CTNNA2: variants seen among roughly 807,000 people sequenced by gnomAD.
The protein encoded by CTNNA2 is catenin alpha-2.
Under a neutral mutation model 101.0 loss-of-function variants are expected in CTNNA2, and 42 were observed. That is an observed-to-expected ratio of 0.42 (90% confidence interval 0.32 to 0.54). The LOEUF (loss-of-function observed/expected upper bound fraction) is 0.54, where lower values mean the gene tolerates loss of function less well. Among genes scored for constraint, CTNNA2 ranks in the 20% least tolerant of loss-of-function variants. CTNNA2 has a pLI of 0.14. For synonymous variants in CTNNA2, 450 were observed against 456.4 expected, an observed-to-expected ratio of 0.99 and a Z score of 0.18; for missense variants, 871 against 1,223.1, an observed-to-expected ratio of 0.71 and a Z score of 4.29.
At chr2:79,290,685 C>T (rs1038340730) in intron 2 of CTNNA2, among the ~76,000 whole-genome samples, 45 of 152,232 alleles carry the variant, frequency 3.0e-4, no homozygotes, top group African/African-American at 8.9e-4. Flanking sequence ...ACCGGAGGAA[C>T]GACATGGAGT....
intron 3 of CTNNA2, among the ~76,000 whole-genome samples, chr2:79,749,760 A>G (rs1313252247): frequency 6.6e-6 from 1 of 152,254 alleles, no homozygotes; most frequent in African/African-American, 2.4e-5. Flanking sequence ...TCTCCATTTT[A>G]CAAATACAAT....
chr2:80,396,233 G>A (rs1194937669), intron 8 of CTNNA2, among the ~76,000 whole-genome samples: 1 of 152,090 alleles, frequency 6.6e-6, no homozygotes, highest in Non-Finnish European at 1.5e-5. Context: ...AAGATTATAG[G>A]GACCCAAAGG....
chr2:79,641,137 C>T (rs1680422698), intron 1 of CTNNA2, among the ~76,000 whole-genome samples: 1 of 152,050 alleles, frequency 6.6e-6, no homozygotes, highest in South Asian at 2.1e-4. Context: ...GGAATATCTG[C>T]CTGGTTACAA....
At chr2:79,738,912 C>T (rs763751179) in intron 2 of CTNNA2, among the ~76,000 whole-genome samples, 3 of 152,078 alleles carry the variant, frequency 2.0e-5, no homozygotes, top group African/African-American at 7.2e-5. Flanking sequence ...AAGTTTTGTT[C>T]CATTACATCT....
intron 9 of CTNNA2, among the ~76,000 whole-genome samples, chr2:80,442,329 T>G (rs1323640744): frequency 1.3e-5 from 2 of 152,192 alleles, no homozygotes; most frequent in East Asian, 3.9e-4. Context: ...TAGACCAGTG[T>G]CTTCTTAGTT....
intron 7 of CTNNA2, among the ~76,000 whole-genome samples, chr2:80,110,996 A>C (rs757734705): frequency 3.3e-5 from 5 of 152,156 alleles, no homozygotes; most frequent in Non-Finnish European, 7.4e-5. Context: ...TGGAAGGGGA[A>C]GCAAACATGT....
At chr2:79,617,145 G>T (rs868297495) in intron 1 of CTNNA2, among the ~76,000 whole-genome samples, 2 of 151,864 alleles carry the variant, frequency 1.3e-5, no homozygotes, top group Non-Finnish European at 2.9e-5. Flanking sequence ...CTCGTGATCC[G>T]CCCACCTTGG....
At chr2:80,612,730 T>C (rs1468759489) in intron 17 of CTNNA2, among the ~76,000 whole-genome samples, 1 of 151,500 alleles carries the variant, frequency 6.6e-6, no homozygotes, top group African/African-American at 2.4e-5. Context: ...GACCTGTACA[T>C]TAAGCAACCT....
At chr2:80,263,637 T>C (rs1235043938) in intron 7 of CTNNA2, among the ~76,000 whole-genome samples, 2 of 152,170 alleles carry the variant, frequency 1.3e-5, no homozygotes, top group East Asian at 1.9e-4. Context: ...CACCCGGCCA[T>C]GTGTAGCAAA....
At chr2:79,991,574 T>A (rs1024677758) in intron 7 of CTNNA2, among the ~76,000 whole-genome samples, 11 of 152,224 alleles carry the variant, frequency 7.2e-5, no homozygotes, top group Non-Finnish European at 1.3e-4. Context: ...GTAAACGTAG[T>A]GCTCGGCATG....
chr2:80,490,989 T>C (rs1337615466), intron 9 of CTNNA2, among the ~76,000 whole-genome samples: 2 of 152,240 alleles, frequency 1.3e-5, no homozygotes, highest in African/African-American at 2.4e-5. Flanking sequence ...TGATAAATTG[T>C]TTCTGAAGTC....
chr2:79,536,477 G>A lies in CTNNA2; in HGVS notation c.-6+23270G>A, dbSNP rs190013623. On this transcript the variant is annotated intron_variant, in intron 1 of 18. Transcript: ENST00000402739. Reference sequence around the variant, plus strand: ...ACCAGTAGTACAATCTTAAAATTGCGAAACTGTGGCTTAAATATTTTTTGA... The same window carrying A: ...ACCAGTAGTACAATCTTAAAATTGCAAAACTGTGGCTTAAATATTTTTTGA... Among the ~76,000 whole-genome samples the A allele has an allele frequency of 3.8e-3, 573 of 152,088 alleles. 3 individuals carry two copies. Among genetic ancestry groups the A allele is most frequent in the Non-Finnish European group, 5.0e-3 (343 of 67,994 alleles).
chr2:80,018,892 T>C (rs1173170652), intron 7 of CTNNA2, among the ~76,000 whole-genome samples: 1 of 151,978 alleles, frequency 6.6e-6, no homozygotes, highest in Non-Finnish European at 1.5e-5. Context: ...AAAGAGTAGG[T>C]ACAATTGTCC....
chr2:80,583,261 C>T (rs1348079313), intron 14 of CTNNA2, among the ~76,000 whole-genome samples: 1 of 152,064 alleles, frequency 6.6e-6, no homozygotes, highest in Non-Finnish European at 1.5e-5. Flanking sequence ...TAAAGATGAC[C>T]GTGATAATTA....
At chr2:80,444,883 G>C (rs1682937285) in intron 9 of CTNNA2, among the ~76,000 whole-genome samples, 1 of 152,102 alleles carries the variant, frequency 6.6e-6, no homozygotes, top group South Asian at 2.1e-4. Flanking sequence ...TATGACACTT[G>C]TTATGGCAGC....
intron 9 of CTNNA2, among the ~76,000 whole-genome samples, chr2:80,517,874 T>C (rs1689223533): frequency 6.6e-6 from 1 of 152,208 alleles, no homozygotes. Flanking sequence ...GGAAACTCAT[T>C]TTATGATCAG....
chr2:80,354,156 G>A (rs557657812), intron 7 of CTNNA2, among the ~76,000 whole-genome samples: 1 of 152,176 alleles, frequency 6.6e-6, no homozygotes, highest in African/African-American at 2.4e-5. Context: ...TTCGGTTGTG[G>A]CACTCTAACT....
At chr2:80,596,243 TCG>T (rs1696940243) in intron 15 of CTNNA2, among the ~76,000 whole-genome samples, 1 of 148,586 alleles carries the variant, frequency 6.7e-6, no homozygotes, top group Non-Finnish European at 1.5e-5. Flanking sequence ...AAGTTGCTTA[TCG>T]ACTTAAGGAG....
At chr2:79,399,411 A>G (rs1201954917) in intron 4 of CTNNA2, among the ~76,000 whole-genome samples, 1 of 152,130 alleles carries the variant, frequency 6.6e-6, no homozygotes, top group Non-Finnish European at 1.5e-5. Context: ...AGAGAAGTCT[A>G]AGGCAGGGTT....
Sources: allele counts gnomAD v4.1 joint callset (sites outside exome capture counted in the v4.1 genomes callset), GRCh38; gene constraint gnomAD v4.1.1; transcripts MANE v1.5; gene names NCBI Gene and HGNC (gene_info 2026-07-23, HGNC 2026-07-21).